The following ASB9 variants were observed in gnomAD, a reference collection of about 807,000 sequenced individuals.
The protein encoded by ASB9 is ankyrin repeat and SOCS box containing 9.
Under a neutral mutation model 16.6 loss-of-function variants are expected in ASB9, and 5 were observed. The observed-to-expected ratio is 0.30, with a 90% confidence interval of 0.16 to 0.63. The LOEUF (loss-of-function observed/expected upper bound fraction) is 0.63, where lower values mean the gene tolerates loss of function less well. ASB9 is among the 30% of genes least tolerant of loss of function. The probability of loss-of-function intolerance (pLI) is 0.82; values close to 1 mark genes in which losing one functional copy is unlikely to be tolerated. For synonymous variants in ASB9, 100 were observed against 86.4 expected, an observed-to-expected ratio of 1.16 and a Z score of -0.87; for missense variants, 216 against 229.4, an observed-to-expected ratio of 0.94 and a Z score of 0.38.
intron 1 of ASB9, among the ~76,000 whole-genome samples, chrX:15,266,398 GTC>G (rs1926394788): frequency 9.0e-6 from 1 of 111,621 alleles, no homozygotes; most frequent in Non-Finnish European, 1.9e-5. Flanking sequence ...TTATTACCAG[GTC>G]TCTGTTCTAG....
intron 3 of ASB9, among the ~76,000 whole-genome samples, chrX:15,253,784 T>C (rs1373241783): frequency 1.8e-5 from 2 of 111,814 alleles, no homozygotes; most frequent in Non-Finnish European, 3.8e-5. Context: ...GACACATTCT[T>C]GTATATCATT....
At chrX:15,247,124 C>G (rs1345503191) in intron 6 of ASB9, among the ~76,000 whole-genome samples, 1 of 111,290 alleles carries the variant, frequency 9.0e-6, no homozygotes, top group African/African-American at 3.3e-5. Flanking sequence ...TAGGGGCACC[C>G]AGAGACAGAA....
intron 1 of ASB9, among the ~76,000 whole-genome samples, chrX:15,260,674 G>A (rs1196625458): frequency 8.9e-6 from 1 of 111,881 alleles, no homozygotes; most frequent in African/African-American, 3.3e-5. Flanking sequence ...AGAAAGGTCT[G>A]GTGCCAGTTA....
intron 1 of ASB9, among the ~76,000 whole-genome samples, chrX:15,263,094 A>G (rs185001873): frequency 6.3e-5 from 7 of 111,884 alleles, no homozygotes; most frequent in Non-Finnish European, 1.1e-4. Flanking sequence ...CATTTTTTTC[A>G]TTTCCATTAT....
At chrX:15,268,466 G>A (rs1407599274) in intron 1 of ASB9, among the ~76,000 whole-genome samples, 3 of 98,957 alleles carry the variant, frequency 3.0e-5, no homozygotes, top group African/African-American at 1.1e-4. Flanking sequence ...TCACTCTGTC[G>A]CCAGGCTGGA....
intron 1 of ASB9, among the ~76,000 whole-genome samples, chrX:15,268,938 G>T (rs1242447982): frequency 9.0e-6 from 1 of 111,249 alleles, no homozygotes; most frequent in Non-Finnish European, 1.9e-5. Context: ...TCTCAACAGG[G>T]TGAACAACAG....
chrX:15,268,149 T>G (rs989910299), intron 1 of ASB9, among the ~76,000 whole-genome samples: 6 of 110,029 alleles, frequency 5.5e-5, no homozygotes, highest in African/African-American at 2.0e-4. Flanking sequence ...CTGGCCAACG[T>G]GGTGAAACCC....
At chrX:15,269,730 A>T (rs1023842668) in intron 1 of ASB9, 51 bp downstream of exon 1, 16 of 1,088,358 alleles carry the variant, frequency 1.5e-5, no homozygotes, top group Non-Finnish European at 2.0e-5. Flanking sequence ...TCCTCTCCTA[A>T]GCACATTAGC....
chrX:15,260,645 C>T (rs778132588), intron 1 of ASB9, among the ~76,000 whole-genome samples: 10 of 111,907 alleles, frequency 8.9e-5, no homozygotes, highest in Non-Finnish European at 1.9e-4. Context: ...TCGCCAAACA[C>T]ACTACATACA....
In ASB9 at chrX:15,244,518, G is replaced by C; in HGVS notation, c.873C>G (p.Leu291=). ...TCCCTAGATGCATTTAAAGATGTAGGAGAAACTGTTTCAGATCCTCTGGGA... is the reference window on the plus strand; with the variant it reads ...TCCCTAGATGCATTTAAAGATGTAGCAGAAACTGTTTCAGATCCTCTGGGA... ...LVLPEDLKQF[L]LHL Residue 291 remains leucine, a synonymous_variant, in exon 7 of 7, where the codon CTC becomes CTG. Transcript: ENST00000380488. 1 of 1,196,702 alleles carries C rather than the reference G, an allele frequency of 8.4e-7. No homozygotes were observed. The highest frequency in any genetic ancestry group is 1.7e-5 in the African/African-American group (1 of 57,330).
At chrX:15,262,563 A>G (rs1926058948) in intron 1 of ASB9, among the ~76,000 whole-genome samples, 2 of 112,989 alleles carry the variant, frequency 1.8e-5, no homozygotes, top group Non-Finnish European at 3.7e-5. Flanking sequence ...AGGTATCAGA[A>G]CAAATGAGTG....
At chrX:15,261,123 T>C (rs1203419057) in intron 1 of ASB9, among the ~76,000 whole-genome samples, 1 of 111,587 alleles carries the variant, frequency 9.0e-6, no homozygotes, top group African/African-American at 3.3e-5. Flanking sequence ...TCTGGAATAA[T>C]ACTGCTGATT....
intron 1 of ASB9, among the ~76,000 whole-genome samples, chrX:15,264,829 T>A (rs191851968): frequency 3.2e-4 from 36 of 111,318 alleles, no homozygotes; most frequent in African/African-American, 1.1e-3. Context: ...TCCACTTGAG[T>A]AGGGAGAGGT....
intron 1 of ASB9, among the ~76,000 whole-genome samples, chrX:15,267,756 A>C (rs28397638): frequency 1.3e-3 from 34 of 26,540 alleles, no homozygotes; most frequent in African/African-American, 3.1e-3. Context: ...AAAAAACAAA[A>C]AAAAAAAAAA....
chrX:15,258,585 C>T (rs184671460), intron 2 of ASB9, among the ~76,000 whole-genome samples: 2 of 111,951 alleles, frequency 1.8e-5, no homozygotes, highest in East Asian at 5.6e-4. Context: ...TTAGCATTTC[C>T]TTCAGTTCAG....
At chrX:15,256,200 C>T (rs984110927) in intron 2 of ASB9, among the ~76,000 whole-genome samples, 9 of 110,502 alleles carry the variant, frequency 8.1e-5, no homozygotes, top group Non-Finnish European at 1.7e-4. Context: ...AAAGTTTTAT[C>T]AGAACACAGC....
chrX:15,253,141 G>A (rs900408215), intron 3 of ASB9, among the ~76,000 whole-genome samples: 28 of 111,254 alleles, frequency 2.5e-4, no homozygotes, highest in African/African-American at 9.2e-4. Flanking sequence ...GGCTGAGGCA[G>A]GAGAATTACT....
chrX:15,256,727 G>A (rs190882213), intron 2 of ASB9, among the ~76,000 whole-genome samples: 10 of 89,367 alleles, frequency 1.1e-4, no homozygotes, highest in African/African-American at 4.4e-4. Flanking sequence ...GCAGTGAGCC[G>A]AGATGGCGCC....
intron 1 of ASB9, among the ~76,000 whole-genome samples, chrX:15,260,323 G>A (rs980723817): frequency 9.8e-5 from 11 of 111,847 alleles, no homozygotes; most frequent in South Asian, 3.7e-4. Flanking sequence ...GGTTGAACCC[G>A]GGAGGCGGAG....
Sources: allele counts gnomAD v4.1 joint callset (sites outside exome capture counted in the v4.1 genomes callset), GRCh38; gene constraint gnomAD v4.1.1; transcripts MANE v1.5; gene names NCBI Gene and HGNC (gene_info 2026-07-23, HGNC 2026-07-21).